FSTL4: variants seen among roughly 807,000 people sequenced by gnomAD.
FSTL4 encodes the protein follistatin like 4.
A neutral mutation model predicts 78.2 loss-of-function variants in FSTL4; 28 were observed. That is an observed-to-expected ratio of 0.36 (90% confidence interval 0.27 to 0.49). FSTL4 has a LOEUF of 0.49. Among genes scored for constraint, FSTL4 ranks in the 20% least tolerant of loss-of-function variants. The pLI, the probability that FSTL4 is intolerant of heterozygous loss-of-function variation, is 0.98. For synonymous variants in FSTL4, 422 were observed against 440.5 expected (o/e 0.96, Z 0.53); for missense variants, 922 against 1,084.9 (o/e 0.85, Z 2.11).
chr5:133,622,307 A>T, the FSTL4 span, among the ~76,000 whole-genome samples: 3 of 152,132 alleles, frequency 2.0e-5, no homozygotes, highest in East Asian at 5.8e-4. Flanking sequence ...GGCTTTTTCT[A>T]TTTTTTGGTG....
intron 4 of FSTL4, among the ~76,000 whole-genome samples, chr5:133,375,443 T>C (rs1263292492): frequency 1.3e-5 from 2 of 151,642 alleles, no homozygotes; most frequent in Non-Finnish European, 2.9e-5. Context: ...ACCTTTGTAA[T>C]CAGAAAAACA....
intron 6 of FSTL4, among the ~76,000 whole-genome samples, chr5:133,311,309 C>A (rs937578892): frequency 2.0e-5 from 3 of 152,160 alleles, no homozygotes; most frequent in Admixed American, 1.3e-4. Context: ...TATGAACCAA[C>A]ATAGGCAGGT....
intron 3 of FSTL4, among the ~76,000 whole-genome samples, chr5:133,437,593 G>C (rs1439965244): frequency 6.8e-6 from 1 of 147,094 alleles, no homozygotes; most frequent in Non-Finnish European, 1.5e-5. Flanking sequence ...GGGCTCAAGT[G>C]ATTCTCCTGC....
chr5:133,352,586 T>A (rs1200089212), intron 4 of FSTL4, among the ~76,000 whole-genome samples: 1 of 152,096 alleles, frequency 6.6e-6, no homozygotes, highest in Non-Finnish European at 1.5e-5. Context: ...ATTTTTACAA[T>A]TTTTGTAGAG....
intron 3 of FSTL4, among the ~76,000 whole-genome samples, chr5:133,447,919 C>A (rs1418367676): frequency 7.9e-5 from 12 of 152,174 alleles, no homozygotes; most frequent in Admixed American, 7.9e-4. Context: ...CCTAATTTTT[C>A]AGCAGAACTC....
chr5:133,641,044 T>G, the FSTL4 span, among the ~76,000 whole-genome samples: 50 of 152,190 alleles, frequency 3.3e-4, no homozygotes, highest in African/African-American at 1.2e-3. Flanking sequence ...CACTATTGAA[T>G]GGGGCACAAT....
chr5:133,227,474 G>A (rs1751369249), intron 8 of FSTL4, among the ~76,000 whole-genome samples: 2 of 152,302 alleles, frequency 1.3e-5, no homozygotes, highest in African/African-American at 2.4e-5. Context: ...GGGAGGAGTG[G>A]GGTTCCCTTT....
intron 3 of FSTL4, among the ~76,000 whole-genome samples, chr5:133,554,393 G>A (rs1272933730): frequency 2.0e-5 from 3 of 152,164 alleles, no homozygotes; most frequent in Admixed American, 1.3e-4. Flanking sequence ...TGACACTCGC[G>A]TCCTAATGGA....
chr5:133,341,234 T>C (rs1298196951), intron 4 of FSTL4, among the ~76,000 whole-genome samples: 1 of 151,672 alleles, frequency 6.6e-6, no homozygotes, highest in Non-Finnish European at 1.5e-5. Flanking sequence ...CATTTTTTTT[T>C]TTTTTTTTTT....
chr5:133,359,434 G>A (rs1332654081), intron 4 of FSTL4, among the ~76,000 whole-genome samples: 2 of 152,214 alleles, frequency 1.3e-5, no homozygotes, highest in Non-Finnish European at 2.9e-5. Flanking sequence ...AAGGAAATGA[G>A]GCCAGACACA....
chr5:133,247,591 A>T (rs1038425804), intron 7 of FSTL4: 2 of 152,242 alleles, frequency 1.3e-5, no homozygotes, highest in African/African-American at 4.8e-5. Flanking sequence ...GCACCCCAAC[A>T]CAGTCCAGTC....
At chr5:133,582,667 T>C (rs957618058) in intron 2 of FSTL4, among the ~76,000 whole-genome samples, 1 of 152,158 alleles carries the variant, frequency 6.6e-6, no homozygotes, top group African/African-American at 2.4e-5. Context: ...CTGTCAACAC[T>C]GCTCCCTCAC....
rs191247195 is a variant in FSTL4 at position 133,303,460 on chromosome 5, G to A, written c.727+9194C>T. Among the ~76,000 whole-genome samples, 111 of 152,334 alleles carry A rather than the reference G, an allele frequency of 7.3e-4. 1 individual carries two copies. Among genetic ancestry groups the A allele is most frequent in the Non-Finnish European group, 7.3e-5 (5 of 68,028 alleles). The stretch of plus-strand genomic sequence containing the variant: ...CTAGCCAGGGACTGTCTGTCCCCAG[G>A]GTCTGGCTCTCCAGCCAGCTCCTAT... On this transcript the variant is annotated intron_variant, in intron 6 of 15. Coordinates refer to ENST00000265342, the MANE Select transcript of FSTL4 (RefSeq NM_015082.2).
the FSTL4 span, among the ~76,000 whole-genome samples, chr5:133,672,300 C>T: frequency 1.5e-3 from 236 of 152,340 alleles, 1 homozygote; most frequent in African/African-American, 5.0e-3. Flanking sequence ...AGTGATGGCT[C>T]CTACAGCCCA....
rs76383950 is a variant in FSTL4 at position 133,275,129 on chromosome 5, T to A, written c.728-25553A>T. Among the ~76,000 whole-genome samples, 719 of 151,116 alleles carry A rather than the reference T, an allele frequency of 4.8e-3. 9 individuals are homozygous for A. The East Asian group carries it at 0.051, about 11-fold the overall frequency. On this transcript the variant is annotated intron_variant, in intron 6 of 15. Coordinates refer to ENST00000265342, the MANE Select transcript of FSTL4 (RefSeq NM_015082.2). Reference sequence around the variant, plus strand: ...ATACAAAAAAGTTAGCTGGGCTTGGTGGTGCACGCTTGTAATCACAGCTAT... The same window carrying A: ...ATACAAAAAAGTTAGCTGGGCTTGGAGGTGCACGCTTGTAATCACAGCTAT...
At position 133,592,063 on chromosome 5, in the gene FSTL4, C is replaced by T. The variant is rs574263105; in HGVS notation, c.126+11795G>A. Among the ~76,000 whole-genome samples, 3 of 152,256 alleles carry T rather than the reference C, an allele frequency of 2.0e-5. No individual in the cohort carries two copies. The South Asian group carries it at 6.2e-4, about 32-fold the overall frequency. On this transcript the variant is annotated intron_variant, in intron 2 of 15. Transcript: ENST00000265342. ...GGCCCTATTCCACCCTACACCTAGACTCTGAGGGTTACTCCTCCTTAAATA... is the reference window on the plus strand; with the variant it reads ...GGCCCTATTCCACCCTACACCTAGATTCTGAGGGTTACTCCTCCTTAAATA...
intron 4 of FSTL4, among the ~76,000 whole-genome samples, chr5:133,392,497 T>C (rs1024696807): frequency 6.6e-6 from 1 of 152,076 alleles, no homozygotes; most frequent in African/African-American, 2.4e-5. Flanking sequence ...TTCTTGGCAT[T>C]TAGAAGGGTA....
chr5:133,415,262 C>T (rs539869241), intron 3 of FSTL4, among the ~76,000 whole-genome samples: 5 of 152,260 alleles, frequency 3.3e-5, no homozygotes, highest in East Asian at 3.9e-4. Flanking sequence ...TTTGACTGTC[C>T]GGCTCTCCTG....
intron 3 of FSTL4, among the ~76,000 whole-genome samples, chr5:133,514,178 CAATGAT>C (rs200582358): frequency 0.047 from 6,147 of 130,968 alleles, 252 homozygotes; most frequent in East Asian, 0.14. Context: ...GACTCCGTCT[CAATGAT>C]AATAATAATA....
Sources: allele counts gnomAD v4.1 joint callset (sites outside exome capture counted in the v4.1 genomes callset), GRCh38; gene constraint gnomAD v4.1.1; transcripts MANE v1.5; gene names NCBI Gene and HGNC (gene_info 2026-07-23, HGNC 2026-07-21).